EPHA3: variants seen among roughly 807,000 people sequenced by gnomAD.
The protein encoded by EPHA3 is ephrin type-A receptor 3.
In EPHA3, 42 loss-of-function variants were observed where a neutral mutation model predicts 107.1. That is an observed-to-expected ratio of 0.39 (90% CI 0.31 to 0.51). The LOEUF (loss-of-function observed/expected upper bound fraction) is 0.51, where lower values mean the gene tolerates loss of function less well. Among genes scored for constraint, EPHA3 ranks in the 20% least tolerant of loss-of-function variants. The probability of loss-of-function intolerance (pLI) is 0.78; values close to 1 mark genes in which losing one functional copy is unlikely to be tolerated. For synonymous variants in EPHA3, 461 were observed against 424.8 expected, an observed-to-expected ratio of 1.09 and a Z score of -1.05; for missense variants, 1,183 against 1,211.2, an observed-to-expected ratio of 0.98 and a Z score of 0.35.
At chr3:89,159,974 T>G (rs1704894220) in intron 2 of EPHA3, among the ~76,000 whole-genome samples, 1 of 152,058 alleles carries the variant, frequency 6.6e-6, no homozygotes, top group African/African-American at 2.4e-5. Context: ...TTTTTGTATT[T>G]TTTAACTTTT....
At chr3:89,472,432 T>C in intron 15 of EPHA3, 32 bp from the exon 16 acceptor site, 1 of 1,604,624 alleles carries the variant, frequency 6.2e-7, no homozygotes, top group Non-Finnish European at 8.5e-7. Context: ...TGACTCCTGA[T>C]CTGTCTCCCT....
chr3:89,391,421 C>CTTTTTTTTT (rs758307339), intron 5 of EPHA3, among the ~76,000 whole-genome samples: 2 of 115,974 alleles, frequency 1.7e-5, no homozygotes, highest in South Asian at 2.7e-4. Flanking sequence ...TCTTTCTTTT[C>CTTTTTTTTT]TTTTTTTTTT....
chr3:89,279,133 C>T (rs1705881157), intron 3 of EPHA3, among the ~76,000 whole-genome samples: 2 of 151,888 alleles, frequency 1.3e-5, no homozygotes, highest in Non-Finnish European at 2.9e-5. Flanking sequence ...ATAGCTAAGT[C>T]AAGTGAATTA....
chr3:89,305,190 T>C (rs757868900), intron 3 of EPHA3, among the ~76,000 whole-genome samples: 5 of 152,190 alleles, frequency 3.3e-5, no homozygotes, highest in African/African-American at 4.8e-5. Flanking sequence ...TTTTTTAACC[T>C]CTTTCTATTA....
intron 3 of EPHA3, among the ~76,000 whole-genome samples, chr3:89,304,732 T>A (rs749967279): frequency 4.6e-5 from 7 of 152,156 alleles, no homozygotes; most frequent in Non-Finnish European, 1.0e-4. Flanking sequence ...ATATGCATAT[T>A]TATTATGTTC....
chr3:89,168,953 T>TGTACATAAATTA (rs148702745), intron 2 of EPHA3, among the ~76,000 whole-genome samples: 2,655 of 152,230 alleles, frequency 0.017, 72 homozygotes, highest in African/African-American at 0.059. Flanking sequence ...ATAAATTATA[T>TGTACATAAATTA]AAAGCTCCTC....
intron 11 of EPHA3, among the ~76,000 whole-genome samples, chr3:89,428,494 T>G (rs557420455): frequency 1.3e-5 from 2 of 152,116 alleles, no homozygotes; most frequent in Admixed American, 6.6e-5. Context: ...TTAATTTCAG[T>G]TTTATTTTCC....
intron 3 of EPHA3, among the ~76,000 whole-genome samples, chr3:89,305,353 C>G (rs1706590240): frequency 6.6e-6 from 1 of 152,116 alleles, no homozygotes; most frequent in South Asian, 2.1e-4. Flanking sequence ...ATCATGCCAT[C>G]TGTTAGCAAA....
intron 5 of EPHA3, among the ~76,000 whole-genome samples, chr3:89,388,670 G>A (rs998579870): frequency 1.4e-4 from 21 of 152,162 alleles, no homozygotes; most frequent in Non-Finnish European, 2.5e-4. Flanking sequence ...GCAGTCTTGT[G>A]AGGAGCACTA....
At chr3:89,443,578 A>G (rs1410528523) in intron 13 of EPHA3, among the ~76,000 whole-genome samples, 1 of 152,234 alleles carries the variant, frequency 6.6e-6, no homozygotes, top group Non-Finnish European at 1.5e-5. Flanking sequence ...TAAAATGCAC[A>G]AAATTATCAG....
rs796857390 is a variant in EPHA3 at position 89,219,703 on chromosome 3, G to GTTTTTT, written c.814+9184_814+9189dup. On this transcript the variant is annotated intron_variant, in intron 3 of 16. Transcript: ENST00000336596. ...ATTTGGCAATGTTTTTTTTTTTTTT[G>GTTTTTT]TTTTTTGTTTTTTTTTTTTTTTTGA... Among the ~76,000 whole-genome samples, 31 of 26,232 alleles carry GTTTTTT rather than the reference G, an allele frequency of 1.2e-3. 4 individuals are homozygous for GTTTTTT. Among genetic ancestry groups the GTTTTTT allele is most frequent in the East Asian group, 6.4e-3 (7 of 1,086 alleles). The allele number at this position is 26,232 out of a possible 152,430, so 17.2% of individuals were successfully genotyped here. A position where few individuals can be genotyped will look rare whatever the true frequency, so the allele number is the denominator to read the frequency against.
intron 3 of EPHA3, among the ~76,000 whole-genome samples, chr3:89,260,923 C>A (rs1162604762): frequency 6.6e-6 from 1 of 152,130 alleles, no homozygotes; most frequent in Non-Finnish European, 1.5e-5. Flanking sequence ...TCTTTGAGGC[C>A]GTCCTGCTAT....
intron 2 of EPHA3, among the ~76,000 whole-genome samples, chr3:89,204,279 G>T (rs1374516884): frequency 6.6e-6 from 1 of 152,052 alleles, no homozygotes; most frequent in Non-Finnish European, 1.5e-5. Flanking sequence ...AAAACTTAGG[G>T]GCTAAAGGTG....
At chr3:89,317,684 T>C (rs2107373241) in intron 3 of EPHA3, among the ~76,000 whole-genome samples, 1 of 151,892 alleles carries the variant, frequency 6.6e-6, no homozygotes, top group South Asian at 2.1e-4. Flanking sequence ...TGTACACATT[T>C]TAAAAAGTAA....
intron 2 of EPHA3, among the ~76,000 whole-genome samples, chr3:89,183,206 A>C (rs1414470048): frequency 6.6e-6 from 1 of 151,990 alleles, no homozygotes; most frequent in South Asian, 2.1e-4. Flanking sequence ...AAATTTCTAC[A>C]TGTACCTTTC....
At chr3:89,433,080 G>T (rs1329562161) in intron 13 of EPHA3, among the ~76,000 whole-genome samples, 1 of 151,934 alleles carries the variant, frequency 6.6e-6, no homozygotes, top group Non-Finnish European at 1.5e-5. Context: ...ACCTCCTTGG[G>T]ATATTTCTAT....
At chr3:89,283,552 T>C (rs1188621251) in intron 3 of EPHA3, among the ~76,000 whole-genome samples, 2 of 152,106 alleles carry the variant, frequency 1.3e-5, no homozygotes, top group East Asian at 3.9e-4. Flanking sequence ...CAATATGCAT[T>C]TCCCAACCAA....
intron 3 of EPHA3, among the ~76,000 whole-genome samples, chr3:89,232,259 C>CA (rs1271210506): frequency 3.3e-5 from 5 of 151,922 alleles, no homozygotes; most frequent in Non-Finnish European, 4.4e-5. Context: ...GAATGAAGAG[C>CA]AAAAAAATTG....
intron 13 of EPHA3, among the ~76,000 whole-genome samples, chr3:89,442,202 A>T (rs1709799247): frequency 1.3e-5 from 2 of 152,160 alleles, no homozygotes; most frequent in South Asian, 4.1e-4. Flanking sequence ...AATAAAACAT[A>T]AAAAAATTCC....
Sources: gnomAD v4.1 joint callset for allele counts (sites outside exome capture counted in the v4.1 genomes callset) on GRCh38, gnomAD v4.1.1 for gene constraint, MANE v1.5 for transcripts, NCBI Gene and HGNC (gene_info 2026-07-23, HGNC 2026-07-21) for gene names.